The following TNR variants were observed in gnomAD, a reference collection of about 807,000 sequenced individuals.
TNR encodes the protein tenascin-R.
In TNR, 45 loss-of-function variants were observed where a neutral mutation model predicts 150.4. That is an observed-to-expected ratio of 0.30 (90% CI 0.24 to 0.38). The LOEUF is 0.38. Among genes scored for constraint, TNR ranks in the 10% least tolerant of loss-of-function variants. TNR has a pLI of 1.00. For synonymous variants in TNR, 687 were observed against 678.4 expected, an observed-to-expected ratio of 1.01 and a Z score of -0.20; for missense variants, 1,544 against 1,759.1, an observed-to-expected ratio of 0.88 and a Z score of 2.19.
At position 175,385,899 on chromosome 1, in the gene TNR, C is replaced by T. The variant is rs114485046; in HGVS notation, c.1777+133G>A. ...CTGGAAACCTCTTGCTTCCTTCTCG[C>T]GGTGTCTATGACAAGGCCAATGCTC... On this transcript the variant is annotated intron_variant, in intron 8 of 22. Transcript: ENST00000367674. 6.1e-4 allele frequency: 624 copies of T among 1,018,190 alleles called. 2 individuals carry two copies. The African/African-American group carries it at 8.8e-3, about 14-fold the overall frequency. 63.1% of individuals were successfully genotyped at this position (1,018,190 alleles called of 1,614,324 possible).
At chr1:175,385,599 C>T (rs145490647) in intron 8 of TNR, among the ~76,000 whole-genome samples, 11 of 152,272 alleles carry the variant, frequency 7.2e-5, no homozygotes, top group East Asian at 3.9e-4. Flanking sequence ...GTGTAGTCAT[C>T]GTAGGTTTAT....
intron 1 of TNR, among the ~76,000 whole-genome samples, chr1:175,733,154 C>G (rs990784696): frequency 9.9e-5 from 15 of 152,206 alleles, no homozygotes; most frequent in African/African-American, 2.9e-4. Flanking sequence ...GGCAAATAAT[C>G]TCTTTAGCAA....
chr1:175,427,949 A>G (rs1463812319), intron 2 of TNR, among the ~76,000 whole-genome samples: 1 of 135,896 alleles, frequency 7.4e-6, no homozygotes, highest in Non-Finnish European at 1.5e-5. Context: ...TTTCCCAGGC[A>G]CTTCCCTCCC....
intron 1 of TNR, among the ~76,000 whole-genome samples, chr1:175,671,911 CTGTGTGTG>C (rs35804880): frequency 2.1e-4 from 30 of 142,134 alleles, no homozygotes; most frequent in South Asian, 1.6e-3. Flanking sequence ...TGAGCTGTAC[CTGTGTGTG>C]TGTGTGTGTG....
chr1:175,672,835 CA>C (rs2101904215), intron 1 of TNR, among the ~76,000 whole-genome samples: 1 of 152,282 alleles, frequency 6.6e-6, no homozygotes, highest in South Asian at 2.1e-4. Flanking sequence ...TTCAATTCTA[CA>C]GTACCTTCTG....
chr1:175,393,757 G>C (rs377537015), intron 6 of TNR, 23 bp downstream of exon 6: 1 of 1,546,976 alleles, frequency 6.5e-7, no homozygotes, highest in South Asian at 1.1e-5. Context: ...AGTCTGTTTG[G>C]CAGTGTAACA....
At chr1:175,533,709 T>C (rs1660159668) in intron 1 of TNR, among the ~76,000 whole-genome samples, 1 of 152,230 alleles carries the variant, frequency 6.6e-6, no homozygotes, top group Non-Finnish European at 1.5e-5. Flanking sequence ...GTTCAAGTTT[T>C]CCCAGAATCT....
chr1:175,695,757 A>T (rs1411287215), intron 1 of TNR, among the ~76,000 whole-genome samples: 1 of 152,206 alleles, frequency 6.6e-6, no homozygotes, highest in African/African-American at 2.4e-5. Flanking sequence ...TTATTAAACC[A>T]TGTTCCTTTC....
chr1:175,736,004 A>G (rs893258995), intron 1 of TNR, among the ~76,000 whole-genome samples: 9 of 152,246 alleles, frequency 5.9e-5, no homozygotes. Context: ...GATGTAAAAC[A>G]AGGGCCAACC....
At chr1:175,727,893 G>C (rs1279329789) in intron 1 of TNR, among the ~76,000 whole-genome samples, 1 of 152,168 alleles carries the variant, frequency 6.6e-6, no homozygotes, top group Non-Finnish European at 1.5e-5. Flanking sequence ...TGTCTCTTGA[G>C]AAAGGAGAAA....
chr1:175,430,991 A>T (rs1277321785), intron 2 of TNR, among the ~76,000 whole-genome samples: 1 of 152,190 alleles, frequency 6.6e-6, no homozygotes, highest in Non-Finnish European at 1.5e-5. Context: ...TATGTTGCAT[A>T]TCTATACATG....
intron 1 of TNR, among the ~76,000 whole-genome samples, chr1:175,731,667 C>G (rs936732806): frequency 1.3e-5 from 2 of 152,182 alleles, no homozygotes; most frequent in African/African-American, 2.4e-5. Context: ...GATTCTGGTT[C>G]AAGTTCACTG....
rs1258848970 is a variant in TNR, at chr1:175,324,453, A to G, written c.3860T>C (p.Val1287Ala). Residue 1287 changes from valine to alanine, a missense_variant, in exon 22 of 23, where the codon GTG becomes GCG. By Grantham distance (64) the Val-to-Ala change is moderately conservative. Around this residue, in one of 2 missense-constraint regions of TNR, gnomAD observed 290 missense variants for 429.7 expected, o/e 0.67. Coordinates refer to ENST00000367674, the MANE Select transcript of TNR (RefSeq NM_003285.3). ...CTTGTACGACATGGCACAGTTAGTCACTGCAACATCATTGTCTCTATCCTC... is the reference window on the plus strand; with the variant it reads ...CTTGTACGACATGGCACAGTTAGTCGCTGCAACATCATTGTCTCTATCCTC... ...STEDRDNDVA[V>A]TNCAMSYKGA... 1 of 1,613,956 alleles carries G rather than the reference A, an allele frequency of 6.2e-7. No individual in the cohort carries two copies. Among genetic ancestry groups the G allele is most frequent in the Non-Finnish European group, 8.5e-7 (1 of 1,180,012 alleles).
At chr1:175,403,037 A>C in intron 4 of TNR, 103 bp downstream of exon 4, 1 of 1,013,090 alleles carries the variant, frequency 9.9e-7, no homozygotes, top group Non-Finnish European at 1.5e-6. Context: ...ATTTTGCCTA[A>C]ACTTCACTTT....
chr1:175,480,264 T>C (rs1296025647), intron 2 of TNR, among the ~76,000 whole-genome samples: 2 of 141,422 alleles, frequency 1.4e-5, no homozygotes, highest in African/African-American at 5.3e-5. Context: ...GCTCAGGGAA[T>C]GTGATGAGCA....
intron 2 of TNR, among the ~76,000 whole-genome samples, chr1:175,525,634 CG>C (rs1312777552): frequency 1.3e-5 from 2 of 152,210 alleles, no homozygotes; most frequent in Non-Finnish European, 2.9e-5. Flanking sequence ...GCCCAAGCCC[CG>C]GGTGCCCTCC....
intron 1 of TNR, among the ~76,000 whole-genome samples, chr1:175,741,032 T>C (rs1667912199): frequency 6.6e-6 from 1 of 152,202 alleles, no homozygotes; most frequent in South Asian, 2.1e-4. Flanking sequence ...TTGGCCATCT[T>C]CTTAGCTGAG....
chr1:175,527,855 A>C (rs1659907009), intron 2 of TNR, among the ~76,000 whole-genome samples: 1 of 152,202 alleles, frequency 6.6e-6, no homozygotes, highest in South Asian at 2.1e-4. Context: ...ATATTTTTTC[A>C]TAATACTTTA....
Position 175,359,679 on chromosome 1 carries a change from G to A in TNR, c.2907C>T (p.Ala969=), listed in dbSNP as rs1651501271. 6.2e-7 allele frequency: 1 copy of A among 1,613,692 alleles called. No homozygotes were observed. Among genetic ancestry groups the A allele is most frequent in the African/African-American group, 1.3e-5 (1 of 74,876 alleles). Residue 969 remains alanine (A), a synonymous_variant, in exon 15 of 23, where the codon GCC becomes GCT. Coordinates refer to ENST00000367674, the MANE Select transcript of TNR (RefSeq NM_003285.3). ...CCACTGGTGCCTTCCACTGCAGCAG[G>A]GCTTCTGTTGGAGTGATATTGGTAG... The part of the protein sequence containing the change: ...LIATNITPTE[A]LLQWKAPVGE...
Sources: gnomAD v4.1 joint callset for allele counts (sites outside exome capture counted in the v4.1 genomes callset) on GRCh38, gnomAD v4.1.1 for gene constraint, gnomAD v4.1.1 regional missense constraint, MANE v1.5 for transcripts, NCBI Gene and HGNC (gene_info 2026-07-23, HGNC 2026-07-21) for gene names.